KMT2B: variants seen among roughly 807,000 people sequenced by gnomAD.
KMT2B encodes the protein lysine methyltransferase 2B.
A neutral mutation model predicts 255.3 loss-of-function variants in KMT2B; 22 were observed. That is an observed-to-expected ratio of 0.09 (90% CI 0.06 to 0.12). KMT2B has a LOEUF of 0.12. Ranked by LOEUF, KMT2B falls within the 10% of genes least tolerant of loss-of-function variation. KMT2B has a pLI of 1.00. For synonymous variants in KMT2B, 1,730 were observed against 1,498.1 expected, an observed-to-expected ratio of 1.15 and a Z score of -3.57; for missense variants, 3,149 against 3,737.0, an observed-to-expected ratio of 0.84 and a Z score of 4.10.
rs560554537 is a variant in KMT2B, at chr19:35,731,897, C to A, written c.5438-11C>A. The stretch of plus-strand genomic sequence containing the variant: ...CCCCTACCACCCCAATGCCATTTCT[C>A]GCCTCTTCAGAGCCCCCAGGTGGTG... On this transcript the variant is annotated splice_polypyrimidine_tract_variant and intron_variant, in intron 26 of 36. Transcript: ENST00000420124. 3.7e-6 allele frequency: 6 copies of A among 1,602,112 alleles called. No homozygotes were observed. In the South Asian group the frequency reaches 6.6e-5, roughly 18 times the overall value.
chr19:35,736,419 T>C (rs1479699452), intron 30 of KMT2B: 1 of 477,872 alleles, frequency 2.1e-6, no homozygotes, highest in Non-Finnish European at 3.8e-6. Flanking sequence ...CATAGGCGTG[T>C]CCTGAAGAGC....
Position 35,723,620 on chromosome 19 carries a change from G to C in KMT2B, c.3059-112G>C. 1 of 1,297,938 alleles carries C rather than the reference G, an allele frequency of 7.7e-7. No individual in the cohort carries two copies. The highest frequency in any genetic ancestry group is 1.1e-6 in the Non-Finnish European group (1 of 948,792). 80.4% of individuals were successfully genotyped at this position (1,297,938 alleles called of 1,614,324 possible). A position where few individuals can be genotyped will look rare whatever the true frequency, so the allele number is the denominator to read the frequency against. On this transcript the variant is annotated intron_variant, in intron 7 of 36. Coordinates refer to ENST00000420124, the MANE Select transcript of KMT2B (RefSeq NM_014727.3). The surrounding 1 kb of genome is among the most constrained non-coding windows in gnomAD (Gnocchi z 7.5). Reference sequence around the variant, plus strand: ...TCACCCTCTCCATCTTCTCCGTTGTGTGCTTTCATAGCTCCTGCGTTCATT... The same window carrying C: ...TCACCCTCTCCATCTTCTCCGTTGTCTGCTTTCATAGCTCCTGCGTTCATT...
rs999413799 is a variant in KMT2B at position 35,738,832 on chromosome 19, G to A, written c.*275G>A. 11 of 504,286 alleles carry A rather than the reference G, an allele frequency of 2.2e-5. No individual in the cohort carries two copies. The East Asian group carries it at 2.7e-4, about 12-fold the overall frequency. The allele number at this position is 504,286 out of a possible 1,614,324, so 31.2% of individuals were successfully genotyped here. A position where few individuals can be genotyped will look rare whatever the true frequency, so the allele number is the denominator to read the frequency against. The stretch of plus-strand genomic sequence containing the variant: ...ATGCACTTTTTTATTTAAGAGGTGG[G>A]GTCCCAGGTGGGAACCCCCCCACAA... On this transcript the variant is annotated 3_prime_UTR_variant, in exon 37 of 37. Coordinates refer to ENST00000420124, the MANE Select transcript of KMT2B (RefSeq NM_014727.3). This position sits in a 1 kb window ranked among gnomAD's most constrained non-coding sequence, Gnocchi z 8.7.
In KMT2B at chr19:35,732,322, C is replaced by G. The variant is rs1259397280; in HGVS notation, c.5773C>G (p.Pro1925Ala). The change falls in exon 28 of 37, where the codon CCA becomes GCA. Residue 1925 changes from proline (P) to alanine (A), a missense_variant. Physicochemically the swap from Pro to Ala is conservative, Grantham distance 27. This residue lies in a region of KMT2B where 897 missense variants were observed against 825.3 expected (regional missense o/e 1.09). Transcript: ENST00000420124. ...CAGCCCTTTGGCTCCCAGGCCGCCTCCATCACGGTGGGCCTCCCCTCCTCT... is the reference window on the plus strand; with the variant it reads ...CAGCCCTTTGGCTCCCAGGCCGCCTGCATCACGGTGGGCCTCCCCTCCTCT... ...RPSPLAPRPP[P>A]SRWASPPLKT... 6.2e-7 allele frequency: 1 copy of G among 1,611,326 alleles called. No individual in the cohort carries two copies. The highest frequency in any genetic ancestry group is 1.3e-5 in the African/African-American group (1 of 74,812).
rs1850067090 is a variant in KMT2B, at chr19:35,721,214, C to G, written c.1867C>G (p.Pro623Ala). The change falls in exon 3 of 37, where the codon CCA becomes GCA. Residue 623 changes from proline to alanine, a missense_variant. By Grantham distance (27) the Pro-to-Ala change is conservative. Transcript: ENST00000420124. ...GACCCGGGAGCTGCCCCCTCCTCCC[C>G]CAGCCCCTCCACCTCCCCCGGCCCC... Reference protein sequence around the residue: ...SLTRELPPPPPAPPPPPAPSP... With the variant: ...SLTRELPPPPAAPPPPPAPSP... 2.7e-6 allele frequency: 4 copies of G among 1,508,130 alleles called. No homozygotes were observed. The highest frequency in any genetic ancestry group is 3.6e-6 in the Non-Finnish European group (4 of 1,119,774). The allele number at this position is 1,508,130 out of a possible 1,614,324, so 93.4% of individuals were successfully genotyped here.
In KMT2B at chr19:35,736,999, C is replaced by T. The variant is rs757294863; in HGVS notation, c.7372+13C>T. ...CTCTCCTTTAGTGGTAAGGAGTGGGCCCCACAGGGGGCAGGGAGCTGGATG... is the reference window on the plus strand; with the variant it reads ...CTCTCCTTTAGTGGTAAGGAGTGGGTCCCACAGGGGGCAGGGAGCTGGATG... On this transcript the variant is annotated intron_variant, in intron 32 of 36. Coordinates refer to ENST00000420124, the MANE Select transcript of KMT2B (RefSeq NM_014727.3). 9 of 1,612,576 alleles carry T rather than the reference C, an allele frequency of 5.6e-6. No homozygotes were observed. The highest frequency in any genetic ancestry group is 1.7e-5 in the Admixed American group (1 of 59,728).
intron 9 of KMT2B, 100 bp from the exon 10 acceptor site, chr19:35,724,889 C>A: frequency 2.6e-6 from 3 of 1,142,738 alleles, no homozygotes; most frequent in South Asian, 1.3e-5. Flanking sequence ...GGGTCTGGAT[C>A]AGGGTCTGGG....
In KMT2B at chr19:35,727,653, G is replaced by A. The variant is rs369544562; in HGVS notation, c.4302+31G>A. The A allele has an allele frequency of 5.2e-4, 835 of 1,612,056 alleles. No individual in the cohort carries two copies. The highest frequency in any genetic ancestry group is 3.7e-4 in the Non-Finnish European group (436 of 1,179,182). On this transcript the variant is annotated intron_variant, in intron 16 of 36. Coordinates refer to ENST00000420124, the MANE Select transcript of KMT2B (RefSeq NM_014727.3). This position sits in a 1 kb window ranked among gnomAD's most constrained non-coding sequence, Gnocchi z 4.2. ...GAGGGCCCTGGAGGCAGGATGGGCC[G>A]GGGCTAGGCCCACCCCCAGCCCTGC...
At chr19:35,722,907 G>A (rs1969278677) in intron 5 of KMT2B, 88 bp from the exon 6 acceptor site, 3 of 1,446,830 alleles carry the variant, frequency 2.1e-6, no homozygotes, top group Non-Finnish European at 1.8e-6. Flanking sequence ...GTGAGAAAGC[G>A]AGAGCCAGGT....
intron 22 of KMT2B, 35 bp from the exon 23 acceptor site, chr19:35,729,932 C>G: frequency 6.3e-7 from 1 of 1,597,010 alleles, no homozygotes; most frequent in Non-Finnish European, 8.5e-7. Context: ...AGCCCCAGCC[C>G]TGGCTTCTCC....
rs201094454 is a variant in KMT2B at position 35,722,766 on chromosome 19, C to T, written c.2722+48C>T. 541 of 1,537,374 alleles carry T rather than the reference C, an allele frequency of 3.5e-4. 4 individuals carry two copies. The African/African-American group carries it at 7.1e-3, about 20-fold the overall frequency. On this transcript the variant is annotated intron_variant, in intron 5 of 36. Transcript: ENST00000420124. ...CATGTCAGGTTTGGGGATGACCCCA[C>T]ACTTGGGTGACATGCACCAAGAGCC...
chr19:35,726,800 A>G (rs181420359), intron 14 of KMT2B, among the ~76,000 whole-genome samples: 78 of 152,234 alleles, frequency 5.1e-4, no homozygotes, highest in African/African-American at 1.4e-3. Context: ...CCTGGCCAAC[A>G]TGGTGAAACC....
At position 35,723,666 on chromosome 19, in the gene KMT2B, G is replaced by A. The variant is rs1969308193; in HGVS notation, c.3059-66G>A. The A allele has an allele frequency of 1.4e-6, 2 of 1,416,058 alleles. No individual in the cohort carries two copies. The highest frequency in any genetic ancestry group is 1.9e-6 in the Non-Finnish European group (2 of 1,049,084). The allele number at this position is 1,416,058 out of a possible 1,614,324, so 87.7% of individuals were successfully genotyped here. A position where few individuals can be genotyped will look rare whatever the true frequency, so the allele number is the denominator to read the frequency against. ...TCATTCCCTGCCCCGCTTCTTTCTG[G>A]CTTCTCTCCCAGTGTCCCATGTCCC... is the stretch of plus-strand genomic sequence containing the variant. On this transcript the variant is annotated intron_variant, in intron 7 of 36. Coordinates refer to ENST00000420124, the MANE Select transcript of KMT2B (RefSeq NM_014727.3). The surrounding 1 kb of genome is among the most constrained non-coding windows in gnomAD (Gnocchi z 7.5).
rs530168722 is a variant in KMT2B, at chr19:35,736,438, C to T, written c.7160-252C>T. The T allele has an allele frequency of 2.5e-4, 130 of 515,440 alleles. No individual in the cohort carries two copies. The East Asian group carries it at 4.1e-3, about 16-fold the overall frequency. 31.9% of individuals were successfully genotyped at this position (515,440 alleles called of 1,614,324 possible). ...GGCGTGTCCTGAAGAGCCAAAAGGC[C>T]CCAAGCCTCTGTGGAATGCTTTTGT... On this transcript the variant is annotated intron_variant, in intron 30 of 36. Coordinates refer to ENST00000420124, the MANE Select transcript of KMT2B (RefSeq NM_014727.3).
chr19:35,726,383 G>C, intron 14 of KMT2B, 30 bp downstream of exon 14: 2 of 1,424,332 alleles, frequency 1.4e-6, no homozygotes, highest in Non-Finnish European at 2.0e-6. Flanking sequence ...ACTGGATGCT[G>C]GGGGCCACAG....
chr19:35,734,963 G>A (rs1280924596), intron 30 of KMT2B, among the ~76,000 whole-genome samples: 2 of 152,186 alleles, frequency 1.3e-5, no homozygotes, highest in Non-Finnish European at 2.9e-5. Context: ...GGCCTTAGGA[G>A]GTCCCTGTCC....
Position 35,725,401 on chromosome 19 carries a change from C to A in KMT2B, c.3642+68C>A. Reference sequence around the variant, plus strand: ...GGTCCTCACGGCCTGATTCCTTGGGCCCTCTCAGCTGGGTCTCATCCCTTG... The same window carrying A: ...GGTCCTCACGGCCTGATTCCTTGGGACCTCTCAGCTGGGTCTCATCCCTTG... On this transcript the variant is annotated intron_variant, in intron 11 of 36. Coordinates refer to ENST00000420124, the MANE Select transcript of KMT2B (RefSeq NM_014727.3). This position sits in a 1 kb window ranked among gnomAD's most constrained non-coding sequence, Gnocchi z 4.1. 1 of 1,579,406 alleles carries A rather than the reference C, an allele frequency of 6.3e-7. No homozygotes were observed. The highest frequency in any genetic ancestry group is 1.1e-5 in the South Asian group (1 of 88,114).
Position 35,736,943 on chromosome 19 carries a change from A to G in KMT2B, c.7329A>G (p.Gln2443=). The change falls in exon 32 of 37, where the codon CAA becomes CAG. Residue 2443 remains glutamine, a synonymous_variant. Transcript: ENST00000420124. ...GGAGAACTCTGATCGAGAAAGTGCAAGAGGCCCGAGGGCATGCCCGACTCA... is the reference window on the plus strand; with the variant it reads ...GGAGAACTCTGATCGAGAAAGTGCAGGAGGCCCGAGGGCATGCCCGACTCA... ...GAWRTLIEKV[Q]EARGHARLRH... 6.2e-7 allele frequency: 1 copy of G among 1,613,914 alleles called. No homozygotes were observed. The highest frequency in any genetic ancestry group is 8.5e-7 in the Non-Finnish European group (1 of 1,179,862).
In KMT2B at chr19:35,733,131, C is replaced by T. The variant is rs1275258377; in HGVS notation, c.6582C>T (p.Val2194=). The part of the protein sequence containing the change: ...PKPATSKIIL[V]NKLGQVFVKM... ...CCGCCACATCCAAAATCATACTTGT[C>T]AACAAGCTGGGGCAAGTATTTGTGA... is the stretch of plus-strand genomic sequence containing the variant. Residue 2194 remains valine (V), a synonymous_variant, in exon 28 of 37, where the codon GTC becomes GTT. Coordinates refer to ENST00000420124, the MANE Select transcript of KMT2B (RefSeq NM_014727.3). This position sits in a 1 kb window ranked among gnomAD's most constrained non-coding sequence, Gnocchi z 4.3. 4 of 1,588,916 alleles carry T rather than the reference C, an allele frequency of 2.5e-6. No individual in the cohort carries two copies. The Admixed American group carries it at 7.0e-5, about 28-fold the overall frequency.
Sources: gnomAD v4.1 joint callset for allele counts (sites outside exome capture counted in the v4.1 genomes callset) on GRCh38, gnomAD v4.1.1 for gene constraint, gnomAD v4.1.1 regional missense constraint, Gnocchi (gnomAD v3.1) non-coding constraint, MANE v1.5 for transcripts, NCBI Gene and HGNC (gene_info 2026-07-23, HGNC 2026-07-21) for gene names.